Variants in TLL2 observed in about 807,000 individuals in gnomAD.
TLL2 encodes tolloid-like protein 2.
Under a neutral mutation model 123.0 loss-of-function variants are expected in TLL2, and 106 were observed. That is an observed-to-expected ratio of 0.86 (90% CI 0.74 to 1.01). TLL2 has a LOEUF of 1.01. TLL2 is among the 50% of genes least tolerant of loss of function. The probability of loss-of-function intolerance (pLI) is 0.00; values close to 1 mark genes in which losing one functional copy is unlikely to be tolerated. For missense variants in TLL2, 1,332 were observed against 1,336.7 expected (o/e 1.00, Z 0.06); for synonymous variants, 494 against 516.8 (o/e 0.96, Z 0.60).
chr10:96,498,893 A>G (rs1019822336), intron 1 of TLL2, among the ~76,000 whole-genome samples: 2 of 152,224 alleles, frequency 1.3e-5, no homozygotes, highest in Non-Finnish European at 2.9e-5. Context: ...CAGAACTGCC[A>G]TATCAGCCCA....
intron 2 of TLL2, among the ~76,000 whole-genome samples, chr10:96,478,120 C>T (rs1210360613): frequency 6.6e-6 from 1 of 152,244 alleles, no homozygotes; most frequent in Non-Finnish European, 1.5e-5. Context: ...GGCAGCCTTC[C>T]CTCAACACAA....
chr10:96,445,868 T>C (rs1319322153), intron 3 of TLL2, among the ~76,000 whole-genome samples: 2 of 152,116 alleles, frequency 1.3e-5, no homozygotes, highest in African/African-American at 4.8e-5. Context: ...GGCCATGGAC[T>C]AGGGAAGGGA....
chr10:96,425,259 TTCTCTCTCTCTCTCTCTC>T (rs5787184), intron 5 of TLL2, among the ~76,000 whole-genome samples: 1 of 144,258 alleles, frequency 6.9e-6, no homozygotes, highest in Non-Finnish European at 1.5e-5. Flanking sequence ...CATTACTGTT[TTCTCTCTCTCTCTCTCTC>T]TCTCTCTCTC....
Position 96,386,222 on chromosome 10 carries a change from G to T in TLL2, c.1853-7C>A. 1 of 1,558,044 alleles carries T rather than the reference G, an allele frequency of 6.4e-7. No homozygotes were observed. Among genetic ancestry groups the T allele is most frequent in the Middle Eastern group, 1.8e-4 (1 of 5,706 alleles). Reference sequence around the variant, plus strand: ...ATGAAACCGCCACAGGCCACTGCACGGGGGAAACAGAAACAGGATTCATTT... The same window carrying T: ...ATGAAACCGCCACAGGCCACTGCACTGGGGAAACAGAAACAGGATTCATTT... On this transcript the variant is annotated splice_polypyrimidine_tract_variant and splice_region_variant and intron_variant, in intron 14 of 20. Coordinates refer to ENST00000357947, the MANE Select transcript of TLL2 (RefSeq NM_012465.4).
At chr10:96,432,707 C>T in intron 4 of TLL2, 100 bp downstream of exon 4, 12 of 1,479,046 alleles carry the variant, frequency 8.1e-6, no homozygotes, top group Non-Finnish European at 1.1e-5. Flanking sequence ...TGGTCCCTAA[C>T]ATCTGCTCCA....
intron 5 of TLL2, among the ~76,000 whole-genome samples, chr10:96,425,427 T>C (rs1350846846): frequency 1.3e-5 from 2 of 152,030 alleles, no homozygotes; most frequent in East Asian, 3.8e-4. Context: ...GGCATGAATG[T>C]ACAGCTTATT....
intron 5 of TLL2, among the ~76,000 whole-genome samples, chr10:96,424,479 C>G (rs1317799627): frequency 6.6e-6 from 1 of 152,088 alleles, no homozygotes. Flanking sequence ...ATGTTTAAGT[C>G]CTATTTCCCT....
Position 96,504,701 on chromosome 10 carries a change from A to G in TLL2, c.175+8810T>C, listed in dbSNP as rs147086555. 1.8e-3 allele frequency among the ~76,000 whole-genome samples: 279 copies of G among 152,262 alleles called. 1 individual carries two copies. Among genetic ancestry groups the G allele is most frequent in the African/African-American group, 6.4e-3 (265 of 41,558 alleles). On this transcript the variant is annotated intron_variant, in intron 1 of 20. Transcript: ENST00000357947. The stretch of plus-strand genomic sequence containing the variant: ...GCTTTGAGTATTAGTCCATTCTCAC[A>G]CTACTGTAAAGATACTGCCTGAGGG...
chr10:96,390,954 T>C (rs1240666830), intron 13 of TLL2, among the ~76,000 whole-genome samples: 1 of 152,272 alleles, frequency 6.6e-6, no homozygotes. Flanking sequence ...ATTAAAATGA[T>C]ATTATTTTGT....
At chr10:96,449,064 A>G (rs550531813) in intron 2 of TLL2, among the ~76,000 whole-genome samples, 2 of 152,354 alleles carry the variant, frequency 1.3e-5, no homozygotes, top group East Asian at 1.9e-4. Flanking sequence ...AGTCCCAATT[A>G]TAGTGCAAAC....
intron 13 of TLL2, among the ~76,000 whole-genome samples, chr10:96,390,936 G>A (rs1344855356): frequency 6.6e-6 from 1 of 152,168 alleles, no homozygotes; most frequent in Non-Finnish European, 1.5e-5. Flanking sequence ...TGTGTATATT[G>A]ATTACATATT....
intron 8 of TLL2, 172 bp from the exon 9 acceptor site, chr10:96,410,646 G>A: frequency 1.4e-6 from 1 of 690,638 alleles, no homozygotes; most frequent in Non-Finnish European, 2.7e-6. Context: ...AAAAGCACAA[G>A]TAGGACCTAG....
At chr10:96,450,201 G>A (rs920185083) in intron 2 of TLL2, among the ~76,000 whole-genome samples, 7 of 148,232 alleles carry the variant, frequency 4.7e-5, no homozygotes, top group Non-Finnish European at 1.0e-4. Flanking sequence ...ATGGATGGAT[G>A]GACATACGAG....
chr10:96,410,723 T>C (rs566905048), intron 8 of TLL2: 13 of 586,586 alleles, frequency 2.2e-5, no homozygotes, highest in South Asian at 2.0e-4. Flanking sequence ...CTAGAGGTCA[T>C]GAATCTTAGC....
chr10:96,478,058 G>A (rs935613942), intron 2 of TLL2, among the ~76,000 whole-genome samples: 1 of 152,202 alleles, frequency 6.6e-6, no homozygotes, highest in African/African-American at 2.4e-5. Context: ...TTGAGCAAGT[G>A]GCATGAGGGA....
intron 11 of TLL2, 129 bp from the exon 12 acceptor site, chr10:96,396,149 C>T (rs1846337746): frequency 1.6e-5 from 17 of 1,085,362 alleles, no homozygotes; most frequent in Admixed American, 2.5e-5. Context: ...ACATTTTCAT[C>T]TCCAGCCCAC....
At chr10:96,448,440 C>T (rs114388270) in intron 2 of TLL2, among the ~76,000 whole-genome samples, 1,597 of 99,546 alleles carry the variant, frequency 0.016, 29 homozygotes, top group African/African-American at 0.049. Context: ...GTGGGGAACT[C>T]GGGTGTTAGT....
At chr10:96,506,553 G>T (rs1399819231) in intron 1 of TLL2, among the ~76,000 whole-genome samples, 1 of 150,936 alleles carries the variant, frequency 6.6e-6, no homozygotes, top group Non-Finnish European at 1.5e-5. Flanking sequence ...CTTCTGCTGA[G>T]CAGGCTGAGC....
intron 1 of TLL2, among the ~76,000 whole-genome samples, chr10:96,494,042 T>C (rs967163456): frequency 1.3e-5 from 2 of 152,000 alleles, no homozygotes; most frequent in African/African-American, 4.8e-5. Context: ...GGATTCAAGG[T>C]GAGGACTGAC....
Sources: allele counts gnomAD v4.1 joint callset (sites outside exome capture counted in the v4.1 genomes callset), GRCh38; gene constraint gnomAD v4.1.1; transcripts MANE v1.5; gene names NCBI Gene and HGNC (gene_info 2026-07-23, HGNC 2026-07-21).